Variants in FXYD6 observed in about 807,000 individuals in gnomAD.
FXYD6 encodes the protein FXYD domain containing ion transport regulator 6, also known as FXYD domain-containing ion transport regulator 6.
Under a neutral mutation model 16.7 loss-of-function variants are expected in FXYD6, and 7 were observed. That is an observed-to-expected ratio of 0.42 (90% confidence interval 0.24 to 0.79). The LOEUF (loss-of-function observed/expected upper bound fraction) is 0.79. Ranked by LOEUF, FXYD6 falls within the 30% of genes least tolerant of loss-of-function variation. The pLI is 0.28. For missense variants in FXYD6, 111 were observed against 116.2 expected, an observed-to-expected ratio of 0.95 and a Z score of 0.21; for synonymous variants, 49 against 43.0, an observed-to-expected ratio of 1.14 and a Z score of -0.54.
At position 117,838,731 on chromosome 11, in the gene FXYD6, T is replaced by C. The variant is rs370763672; in HGVS notation, c.*22-454A>G. Reference sequence around the variant, plus strand: ...GTCCATTCGCACTTAGGTGATCACTTGCCTTCGAGAGCCCCATCCAGAAGA... The same window carrying C: ...GTCCATTCGCACTTAGGTGATCACTCGCCTTCGAGAGCCCCATCCAGAAGA... On this transcript the variant is annotated intron_variant, in intron 7 of 7. Coordinates refer to ENST00000526014, the MANE Select transcript of FXYD6 (RefSeq NM_022003.4). 3.3e-4 allele frequency: 62 copies of C among 189,276 alleles called. 2 individuals are homozygous for C. The South Asian group carries it at 6.6e-3, about 20-fold the overall frequency. 11.7% of individuals were successfully genotyped at this position (189,276 alleles called of 1,614,324 possible). A position where few individuals can be genotyped will look rare whatever the true frequency, so the allele number is the denominator to read the frequency against.
rs892745315 is a variant in FXYD6, at chr11:117,870,842, A to T, written c.-6+5750T>A. 3.3e-5 allele frequency among the ~76,000 whole-genome samples: 5 copies of T among 152,108 alleles called. No homozygotes were observed. The East Asian group carries it at 9.7e-4, about 29-fold the overall frequency. On this transcript the variant is annotated intron_variant, in intron 1 of 7. Coordinates refer to ENST00000526014, the MANE Select transcript of FXYD6 (RefSeq NM_022003.4). The surrounding 1 kb of genome is among the most constrained non-coding windows in gnomAD (Gnocchi z 4.2). ...AGGGCTGTCACCAGTGTATGCCCCC[A>T]TCACACCATAGCTCCCTGGGAGCAC...
chr11:117,844,783 G>A (rs894919625), intron 1 of FXYD6, among the ~76,000 whole-genome samples: 1 of 152,160 alleles, frequency 6.6e-6, no homozygotes, highest in Non-Finnish European at 1.5e-5. Context: ...GAGCCACCGC[G>A]CCTGGCTGAA....
chr11:117,842,155 G>T, intron 2 of FXYD6, 127 bp from the exon 3 acceptor site: 1 of 1,444,850 alleles, frequency 6.9e-7, no homozygotes, highest in Non-Finnish European at 9.5e-7. Flanking sequence ...ATTAAACAGA[G>T]ATGCCTAGAG....
chr11:117,859,039 G>A (rs1286295154), intron 1 of FXYD6, among the ~76,000 whole-genome samples: 2 of 152,132 alleles, frequency 1.3e-5, no homozygotes, highest in Non-Finnish European at 2.9e-5. Flanking sequence ...GCCTCCCAAA[G>A]TGCTGGGATT....
chr11:117,856,495 G>A (rs2056728897), intron 1 of FXYD6, among the ~76,000 whole-genome samples: 1 of 152,150 alleles, frequency 6.6e-6, no homozygotes, highest in Non-Finnish European at 1.5e-5. Flanking sequence ...CACCGGGCCT[G>A]GGTCTTAGCA....
rs144164139 is a variant in FXYD6 at position 117,856,025 on chromosome 11, T to G, written c.-5-13244A>C. On this transcript the variant is annotated intron_variant, in intron 1 of 7. Coordinates refer to ENST00000526014, the MANE Select transcript of FXYD6 (RefSeq NM_022003.4). Reference sequence around the variant, plus strand: ...TCTCCTTTCTGTGCTCTTGTTTATCTCCATATTGGCAAGCAGCTGAGGTTC... The same window carrying G: ...TCTCCTTTCTGTGCTCTTGTTTATCGCCATATTGGCAAGCAGCTGAGGTTC... 5.3e-3 allele frequency among the ~76,000 whole-genome samples: 814 copies of G among 152,208 alleles called. 7 individuals are homozygous for G. The highest frequency in any genetic ancestry group is 0.019 in the African/African-American group (790 of 41,512).
At chr11:117,856,221 C>A (rs2056723278) in intron 1 of FXYD6, among the ~76,000 whole-genome samples, 1 of 152,166 alleles carries the variant, frequency 6.6e-6, no homozygotes, top group African/African-American at 2.4e-5. Context: ...GAAAGAGAAG[C>A]CACTAGTTGA....
Position 117,842,139 on chromosome 11 carries a change from G to T in FXYD6, c.59-111C>A, listed in dbSNP as rs1348064284. On this transcript the variant is annotated intron_variant, in intron 2 of 7. Transcript: ENST00000526014. ...TCCACAAAGGAATTCCAGAGGAGCA[G>T]GGCCCATTAAACAGAGATGCCTAGA... 68 of 1,535,360 alleles carry T rather than the reference G, an allele frequency of 4.4e-5. 1 individual carries two copies. In the South Asian group the frequency reaches 7.3e-4, roughly 17 times the overall value.
intron 1 of FXYD6, among the ~76,000 whole-genome samples, chr11:117,845,085 C>T (rs2056441410): frequency 6.6e-6 from 1 of 152,174 alleles, no homozygotes; most frequent in Admixed American, 6.5e-5. Context: ...CATTCGTCAC[C>T]AATCTCGGGT....
intron 1 of FXYD6, among the ~76,000 whole-genome samples, chr11:117,845,634 T>C (rs1486492080): frequency 6.6e-6 from 1 of 152,236 alleles, no homozygotes; most frequent in African/African-American, 2.4e-5. Flanking sequence ...TGGATGTCTG[T>C]TTCTTTTTCC....
intron 1 of FXYD6, among the ~76,000 whole-genome samples, chr11:117,867,972 A>G (rs933533355): frequency 1.4e-4 from 21 of 152,000 alleles, no homozygotes; most frequent in African/African-American, 4.6e-4. Flanking sequence ...AATCTCCCCC[A>G]CTCATTCTGA....
chr11:117,875,048 A>G (rs554055128), intron 1 of FXYD6, among the ~76,000 whole-genome samples: 1 of 152,236 alleles, frequency 6.6e-6, no homozygotes, highest in South Asian at 2.1e-4. Context: ...ATAAGGAAGG[A>G]AACTGCCCTC....
chr11:117,866,440 A>T (rs952189442), intron 1 of FXYD6, among the ~76,000 whole-genome samples: 9 of 152,222 alleles, frequency 5.9e-5, no homozygotes, highest in African/African-American at 1.9e-4. Flanking sequence ...AGAATAACCC[A>T]AAATACAGCT....
intron 1 of FXYD6, among the ~76,000 whole-genome samples, chr11:117,874,290 T>A (rs547307690): frequency 9.8e-5 from 15 of 152,334 alleles, no homozygotes; most frequent in African/African-American, 3.4e-4. Flanking sequence ...GAAGATCCGA[T>A]GGAAGCCAGG....
intron 5 of FXYD6, 106 bp downstream of exon 5, chr11:117,841,042 C>T (rs951077187): frequency 3.1e-5 from 45 of 1,456,664 alleles, no homozygotes; most frequent in Middle Eastern, 1.8e-4. Flanking sequence ...GTTCTGCCTC[C>T]GAGACAAGAA....
At chr11:117,852,121 C>T (rs2056623845) in intron 1 of FXYD6, among the ~76,000 whole-genome samples, 1 of 152,364 alleles carries the variant, frequency 6.6e-6, no homozygotes, top group South Asian at 2.1e-4. Context: ...AACCTCAGTT[C>T]TTCTACCACA....
In FXYD6 at chr11:117,842,006, C is replaced by T. The variant is rs2056358516; in HGVS notation, c.81G>A (p.Met27Ile). ...ATCGCTCACCATAATGAAAAGGGTC[C>T]ATTTCCTTCTCCTTTTCAGCTGCTG... is the stretch of plus-strand genomic sequence containing the variant. ...LASAAEKEKE[M>I]DPFHYDYQTL... The change falls in exon 3 of 8, where the codon ATG becomes ATA. Residue 27 changes from methionine to isoleucine, a missense_variant. Met to Ile is a conservative substitution (Grantham distance 10). Transcript: ENST00000526014. 2.5e-6 allele frequency: 4 copies of T among 1,614,092 alleles called. No individual in the cohort carries two copies. In the East Asian group the frequency reaches 6.7e-5, roughly 27 times the overall value.
chr11:117,859,312 C>A (rs2056850853), intron 1 of FXYD6, among the ~76,000 whole-genome samples: 1 of 152,058 alleles, frequency 6.6e-6, no homozygotes, highest in Non-Finnish European at 1.5e-5. Flanking sequence ...TGTGCCTTTA[C>A]AAAGCACACC....
intron 1 of FXYD6, among the ~76,000 whole-genome samples, chr11:117,856,517 TAAGA>T (rs967318934): frequency 2.0e-5 from 3 of 152,154 alleles, no homozygotes; most frequent in Admixed American, 2.0e-4. Flanking sequence ...GATGCCCTGC[TAAGA>T]AAGATGAGGT....
Sources: gnomAD v4.1 joint callset for allele counts (sites outside exome capture counted in the v4.1 genomes callset) on GRCh38, gnomAD v4.1.1 for gene constraint, Gnocchi (gnomAD v3.1) non-coding constraint, MANE v1.5 for transcripts, NCBI Gene and HGNC (gene_info 2026-07-23, HGNC 2026-07-21) for gene names.